PCDHGA11: variants seen among roughly 807,000 people sequenced by gnomAD.
PCDHGA11 encodes protocadherin gamma-A11.
A neutral mutation model predicts 60.4 loss-of-function variants in PCDHGA11; 39 were observed. The observed-to-expected ratio is 0.65, with a 90% confidence interval of 0.50 to 0.84. The LOEUF (loss-of-function observed/expected upper bound fraction) is 0.84, where lower values mean the gene tolerates loss of function less well. PCDHGA11 is among the 40% of genes least tolerant of loss of function. The probability of loss-of-function intolerance (pLI) is 0.00; values close to 1 mark genes in which losing one functional copy is unlikely to be tolerated. For synonymous variants in PCDHGA11, 533 were observed against 510.3 expected, an observed-to-expected ratio of 1.04 and a Z score of -0.60; for missense variants, 1,165 against 1,197.7, an observed-to-expected ratio of 0.97 and a Z score of 0.40.
chr5:141,477,878 C>T lies in PCDHGA11; in HGVS notation c.2434-16929C>T. On this transcript the variant is annotated intron_variant, in intron 1 of 3. Coordinates refer to ENST00000398587, the MANE Select transcript of PCDHGA11 (RefSeq NM_018914.3). The surrounding 1 kb of genome is among the most constrained non-coding windows in gnomAD (Gnocchi z 4.9). ...GCTGCCTCGAGGTACCTCAGCTGGC[C>T]ACCTAGTGTCACGGGTGGTAGGCTG... 2.5e-6 allele frequency: 4 copies of T among 1,614,158 alleles called. No individual in the cohort carries two copies. Among genetic ancestry groups the T allele is most frequent in the Non-Finnish European group, 3.4e-6 (4 of 1,180,008 alleles).
At chr5:141,424,526 T>C (rs1020206614) in intron 1 of PCDHGA11, 2 of 152,216 alleles carry the variant, frequency 1.3e-5, no homozygotes, top group Non-Finnish European at 2.9e-5. Context: ...AGTAAATCCA[T>C]ATATAGAAAT....
chr5:141,463,176 C>CA (rs2099054640), intron 1 of PCDHGA11, among the ~76,000 whole-genome samples: 1 of 152,100 alleles, frequency 6.6e-6, no homozygotes, highest in African/African-American at 2.4e-5. Flanking sequence ...TATGTATGCT[C>CA]AGATTATTAT....
At position 141,489,097 on chromosome 5, in the gene PCDHGA11, C is replaced by A; in HGVS notation, c.2434-5710C>A. ...ACCCCCGCCACTCGGTGACTAAGAA[C>A]TGCTGCAAGCAGGCAAACCTCCGAG... On this transcript the variant is annotated intron_variant, in intron 1 of 3. Transcript: ENST00000398587. This position sits in a 1 kb window ranked among gnomAD's most constrained non-coding sequence, Gnocchi z 4.5. The A allele has an allele frequency of 2.6e-5, 8 of 313,358 alleles. No homozygotes were observed. Among genetic ancestry groups the A allele is most frequent in the Non-Finnish European group, 3.5e-5 (6 of 172,456 alleles). The allele number at this position is 313,358 out of a possible 1,614,324, so 19.4% of individuals were successfully genotyped here. A position where few individuals can be genotyped will look rare whatever the true frequency, so the allele number is the denominator to read the frequency against.
intron 1 of PCDHGA11, among the ~76,000 whole-genome samples, chr5:141,494,463 C>G (rs1178793763): frequency 6.6e-6 from 1 of 152,154 alleles, no homozygotes; most frequent in Non-Finnish European, 1.5e-5. Context: ...TTGTCTGCAC[C>G]TCTTCCCCCA....
chr5:141,423,546 G>A lies in PCDHGA11; in HGVS notation c.2319G>A (p.Gln773=). ...AGAAGAGTCACCTGATTTTCCCCCA[G>A]CCCAACTATGGGGACACGCTCATCA... ...DSQKSHLIFP[Q]PNYGDTLISQ... Residue 773 remains glutamine, a synonymous_variant, in exon 1 of 4, where the codon CAG becomes CAA. Transcript: ENST00000398587. 1 of 1,613,708 alleles carries A rather than the reference G, an allele frequency of 6.2e-7. No homozygotes were observed. Among genetic ancestry groups the A allele is most frequent in the Non-Finnish European group, 8.5e-7 (1 of 1,179,772 alleles).
Position 141,476,702 on chromosome 5 carries a change from C to CTGG in PCDHGA11, c.2434-18102_2434-18100dup, listed in dbSNP as rs1562056101. On this transcript the variant is annotated intron_variant, in intron 1 of 3. Coordinates refer to ENST00000398587, the MANE Select transcript of PCDHGA11 (RefSeq NM_018914.3). This position sits in a 1 kb window ranked among gnomAD's most constrained non-coding sequence, Gnocchi z 7.6. ...GGAGGACAGCACCAAGTACGCGGAG[C>CTGG]TGGTGTTGGAGCGCGCCCTGGACCG... 5 of 1,614,222 alleles carry CTGG rather than the reference C, an allele frequency of 3.1e-6. No homozygotes were observed. The highest frequency in any genetic ancestry group is 4.2e-6 in the Non-Finnish European group (5 of 1,180,042).
At chr5:141,457,802 T>C (rs1332412750) in intron 1 of PCDHGA11, among the ~76,000 whole-genome samples, 1 of 152,210 alleles carries the variant, frequency 6.6e-6, no homozygotes, top group Non-Finnish European at 1.5e-5. Context: ...TCCTCTCCTC[T>C]TGAGGTCCCA....
At position 141,431,433 on chromosome 5, in the gene PCDHGA11, C is replaced by T; in HGVS notation, c.2433+7773C>T. ...GGGGGCGACCCGGTGCGCACAGGCA[C>T]CGCGCGCATCCGCGTGATGGTTCTG... On this transcript the variant is annotated intron_variant, in intron 1 of 3. Transcript: ENST00000398587. This position sits in a 1 kb window ranked among gnomAD's most constrained non-coding sequence, Gnocchi z 4.8. 1.9e-6 allele frequency: 3 copies of T among 1,613,716 alleles called. No homozygotes were observed. The highest frequency in any genetic ancestry group is 2.5e-6 in the Non-Finnish European group (3 of 1,180,028).
chr5:141,444,722 C>T (rs72790051), intron 1 of PCDHGA11, among the ~76,000 whole-genome samples: 3,290 of 152,024 alleles, frequency 0.022, 51 homozygotes, highest in South Asian at 0.038. Flanking sequence ...TGCTTGGTGC[C>T]TTTGTTGAAA....
chr5:141,432,427 C>G lies in PCDHGA11; in HGVS notation c.2433+8767C>G. 5 of 1,614,242 alleles carry G rather than the reference C, an allele frequency of 3.1e-6. No homozygotes were observed. The highest frequency in any genetic ancestry group is 4.2e-6 in the Non-Finnish European group (5 of 1,180,036). On this transcript the variant is annotated intron_variant, in intron 1 of 3. Transcript: ENST00000398587. The surrounding 1 kb of genome is among the most constrained non-coding windows in gnomAD (Gnocchi z 6.0). ...TGAGCCTGTTCGTGCTGGACCAGAA[C>G]GACAATGCGCCCGAGATCCTGTACC... is the stretch of plus-strand genomic sequence containing the variant.
chr5:141,464,853 C>A (rs1441161135), intron 1 of PCDHGA11, among the ~76,000 whole-genome samples: 1 of 151,778 alleles, frequency 6.6e-6, no homozygotes, highest in East Asian at 1.9e-4. Flanking sequence ...ATCCTCCTAC[C>A]TTAGCCTCCC....
chr5:141,458,578 TG>T, intron 1 of PCDHGA11, among the ~76,000 whole-genome samples: 1 of 152,138 alleles, frequency 6.6e-6, no homozygotes. Context: ...TTTGTTTGTT[TG>T]TTTGTTTTGG....
At chr5:141,437,561 C>G (rs1228292384) in intron 1 of PCDHGA11, among the ~76,000 whole-genome samples, 1 of 152,110 alleles carries the variant, frequency 6.6e-6, no homozygotes, top group Non-Finnish European at 1.5e-5. Context: ...TGACATGTAA[C>G]AGAGTATAGC....
intron 1 of PCDHGA11, among the ~76,000 whole-genome samples, chr5:141,438,629 TATATATAC>T (rs1474630940): frequency 0.043 from 2,039 of 47,824 alleles, 19 homozygotes; most frequent in South Asian, 0.061. Flanking sequence ...TATATATATA[TATATATAC>T]ACACACACAC....
rs755518757 is a variant in PCDHGA11, at chr5:141,421,700, C to A, written c.473C>A (p.Ala158Asp). 1.2e-6 allele frequency: 2 copies of A among 1,613,900 alleles called. No homozygotes were observed. Among genetic ancestry groups the A allele is most frequent in the Non-Finnish European group, 1.7e-6 (2 of 1,179,856 alleles). Residue 158 changes from alanine to aspartate, a missense_variant, in exon 1 of 4, where the codon GCT (alanine) becomes GAT (aspartate). Physicochemically the swap from Ala to Asp is moderately radical, Grantham distance 126. Transcript: ENST00000398587. ...IPGARFALPN[A>D]RDPDVGVNSL... Reference sequence around the variant, plus strand: ...GGGGCGCGATTTGCTCTTCCTAATGCTAGGGATCCAGATGTGGGCGTGAAC... The same window carrying A: ...GGGGCGCGATTTGCTCTTCCTAATGATAGGGATCCAGATGTGGGCGTGAAC...
intron 1 of PCDHGA11, among the ~76,000 whole-genome samples, chr5:141,481,994 A>AG (rs2099550091): frequency 1.3e-5 from 2 of 151,258 alleles, no homozygotes; most frequent in African/African-American, 4.9e-5. Context: ...TTGAAGCAGG[A>AG]GAATCGCTTT....
At chr5:141,473,801 T>C (rs1593456345) in intron 1 of PCDHGA11, among the ~76,000 whole-genome samples, 1 of 152,226 alleles carries the variant, frequency 6.6e-6, no homozygotes, top group East Asian at 1.9e-4. Flanking sequence ...ATGATGCTAC[T>C]GAGGAGCAGC....
At chr5:141,439,523 T>A (rs2098118339) in intron 1 of PCDHGA11, among the ~76,000 whole-genome samples, 1 of 152,202 alleles carries the variant, frequency 6.6e-6, no homozygotes, top group African/African-American at 2.4e-5. Context: ...CAACTAACTC[T>A]ACAGAACGCT....
chr5:141,425,587 T>G (rs2096884432), intron 1 of PCDHGA11, among the ~76,000 whole-genome samples: 2 of 152,226 alleles, frequency 1.3e-5, no homozygotes. Flanking sequence ...CTAACTTTAT[T>G]CTGAATATGC....
Sources: allele counts gnomAD v4.1 joint callset (sites outside exome capture counted in the v4.1 genomes callset), GRCh38; gene constraint gnomAD v4.1.1; non-coding constraint Gnocchi (gnomAD v3.1); transcripts MANE v1.5; gene names NCBI Gene and HGNC (gene_info 2026-07-23, HGNC 2026-07-21).